CHKA: variants seen among roughly 807,000 people sequenced by gnomAD.
CHKA encodes choline kinase alpha.
In CHKA, 34 loss-of-function variants were observed where a neutral mutation model predicts 60.1. That is an observed-to-expected ratio of 0.57 (90% CI 0.43 to 0.75). CHKA has a LOEUF of 0.75. CHKA is among the 30% of genes least tolerant of loss of function. The probability of loss-of-function intolerance (pLI) is 0.00; values close to 1 mark genes in which losing one functional copy is unlikely to be tolerated. For synonymous variants in CHKA, 217 were observed against 223.1 expected (o/e 0.97, Z 0.24); for missense variants, 563 against 561.3 (o/e 1.00, Z -0.03).
chr11:68,095,602 A>G (rs1275671608), intron 2 of CHKA, among the ~76,000 whole-genome samples: 4 of 126,490 alleles, frequency 3.2e-5, no homozygotes, highest in Non-Finnish European at 5.0e-5. Context: ...CCAGCTACTC[A>G]GGAGGCTGAG....
chr11:68,060,216 T>C (rs1282525147), intron 11 of CHKA, among the ~76,000 whole-genome samples: 2 of 151,624 alleles, frequency 1.3e-5, no homozygotes, highest in African/African-American at 4.9e-5. Flanking sequence ...GTATTTTTAG[T>C]AGAGACGGGG....
At chr11:68,119,206 C>T (rs1202964549) in intron 1 of CHKA, among the ~76,000 whole-genome samples, 1 of 152,172 alleles carries the variant, frequency 6.6e-6, no homozygotes, top group Non-Finnish European at 1.5e-5. Flanking sequence ...GTTTTCTTTT[C>T]TCTGCTTCCT....
intron 1 of CHKA, among the ~76,000 whole-genome samples, chr11:68,100,162 A>T (rs183725247): frequency 3.3e-5 from 5 of 152,376 alleles, no homozygotes; most frequent in Admixed American, 3.3e-4. Context: ...AAAATGTAAC[A>T]GTTCAATTTA....
intron 11 of CHKA, among the ~76,000 whole-genome samples, chr11:68,057,871 G>A (rs1856083669): frequency 6.6e-6 from 1 of 152,132 alleles, no homozygotes; most frequent in Non-Finnish European, 1.5e-5. Context: ...TCTGGACACT[G>A]TATTCTGTTC....
At chr11:68,058,782 G>C (rs1461153494) in intron 11 of CHKA, among the ~76,000 whole-genome samples, 5 of 152,172 alleles carry the variant, frequency 3.3e-5, no homozygotes. Context: ...AGGAGCTTCA[G>C]TACAACACAG....
chr11:68,081,494 G>T, intron 2 of CHKA, 37 bp from the exon 3 acceptor site: 1 of 1,527,046 alleles, frequency 6.5e-7, no homozygotes, highest in Non-Finnish European at 9.1e-7. Flanking sequence ...CTGGTGAGAT[G>T]GGGAACACTA....
At chr11:68,056,090 G>A (rs1277101815) in intron 11 of CHKA, among the ~76,000 whole-genome samples, 1 of 152,076 alleles carries the variant, frequency 6.6e-6, no homozygotes, top group Non-Finnish European at 1.5e-5. Flanking sequence ...TTCTGGCTGA[G>A]TTATGAGTTC....
chr11:68,087,533 A>C (rs1162158245), intron 2 of CHKA, among the ~76,000 whole-genome samples: 2 of 152,158 alleles, frequency 1.3e-5, no homozygotes, highest in Non-Finnish European at 2.9e-5. Flanking sequence ...GTACTATGTT[A>C]AATATAATGG....
chr11:68,071,751 A>C (rs1166450989), intron 4 of CHKA, among the ~76,000 whole-genome samples: 1 of 152,200 alleles, frequency 6.6e-6, no homozygotes, highest in East Asian at 1.9e-4. Context: ...ATTTCTATCA[A>C]ATGGGAATCA....
Position 68,121,311 on chromosome 11 carries a change from G to T in CHKA, c.-134C>A. ...AGGGGGCCGCGGCGGTTGGGCGCGC[G>T]GGGCGGCGGCGGCGGCTGCGGCGAC... On this transcript the variant is annotated 5_prime_UTR_variant, in exon 1 of 12. Coordinates refer to ENST00000265689, the MANE Select transcript of CHKA (RefSeq NM_001277.3). 3.1e-6 allele frequency: 2 copies of T among 641,936 alleles called. No individual in the cohort carries two copies. The highest frequency in any genetic ancestry group is 3.9e-6 in the Non-Finnish European group (2 of 511,432). The allele number at this position is 641,936 out of a possible 1,614,324, so 39.8% of individuals were successfully genotyped here. A position where few individuals can be genotyped will look rare whatever the true frequency, so the allele number is the denominator to read the frequency against.
chr11:68,110,533 A>C (rs1457578308), intron 1 of CHKA, among the ~76,000 whole-genome samples: 1 of 152,184 alleles, frequency 6.6e-6, no homozygotes, highest in Non-Finnish European at 1.5e-5. Context: ...CTTATATATA[A>C]ATCTAACAAA....
At chr11:68,111,735 C>T (rs962240781) in intron 1 of CHKA, among the ~76,000 whole-genome samples, 1 of 151,958 alleles carries the variant, frequency 6.6e-6, no homozygotes, top group Non-Finnish European at 1.5e-5. Context: ...TCTTTTACAA[C>T]AAACCATTTG....
intron 11 of CHKA, 156 bp downstream of exon 11, chr11:68,061,797 T>G: frequency 1.5e-6 from 1 of 676,242 alleles, no homozygotes; most frequent in Non-Finnish European, 2.7e-6. Context: ...TGAGCCACAC[T>G]GTCCTGATGC....
chr11:68,102,634 G>T (rs750950613), intron 1 of CHKA, among the ~76,000 whole-genome samples: 1 of 152,054 alleles, frequency 6.6e-6, no homozygotes, highest in East Asian at 1.9e-4. Context: ...TCATGACCTT[G>T]GTCTGAGCCA....
At chr11:68,098,046 T>C (rs1168976585) in intron 1 of CHKA, among the ~76,000 whole-genome samples, 1 of 151,916 alleles carries the variant, frequency 6.6e-6, no homozygotes, top group African/African-American at 2.4e-5. Context: ...CCAAGGCAGG[T>C]GGATCACCTG....
Position 68,068,921 on chromosome 11 carries a change from T to G in CHKA, c.886A>C (p.Thr296Pro). Residue 296 changes from threonine (T) to proline (P), a missense_variant, in exon 7 of 12, where the codon ACT becomes CCT. Thr to Pro is a conservative substitution (Grantham distance 38). Coordinates refer to ENST00000265689, the MANE Select transcript of CHKA (RefSeq NM_001277.3). ...TGACAAAATACAACTGGAGATGGAG[T>G]AGATTCAAGCAATGATCTGAAAAGA... The part of the protein sequence containing the change: ...LENLRSLLES[T>P]PSPVVFCHND... 1 of 1,612,104 alleles carries G rather than the reference T, an allele frequency of 6.2e-7. No homozygotes were observed. The highest frequency in any genetic ancestry group is 8.5e-7 in the Non-Finnish European group (1 of 1,178,858).
chr11:68,084,299 TATGTGTATATAC>T lies in CHKA; in HGVS notation c.463-2854_463-2843del, dbSNP rs543265579. Reference sequence around the variant, plus strand: ...GTATATATACACATATATATACGTATATGTGTATATACATGTGTATATATATACACATATACG... The same window carrying T: ...GTATATATACACATATATATACGTATATGTGTATATATATACACATATACG... On this transcript the variant is annotated intron_variant, in intron 2 of 11. Transcript: ENST00000265689. Among the ~76,000 whole-genome samples, 63 of 143,446 alleles carry T rather than the reference TATGTGTATATAC, an allele frequency of 4.4e-4. No homozygotes were observed. In the East Asian group the frequency reaches 5.3e-3, roughly 12 times the overall value. The allele number at this position is 143,446 out of a possible 152,430, so 94.1% of individuals were successfully genotyped here.
intron 1 of CHKA, among the ~76,000 whole-genome samples, chr11:68,113,413 C>T (rs1858254559): frequency 6.6e-6 from 1 of 151,970 alleles, no homozygotes. Context: ...AATAAGATAC[C>T]TGACTGGGCG....
At chr11:68,082,709 TAAG>T (rs1340482913) in intron 2 of CHKA, among the ~76,000 whole-genome samples, 1 of 152,202 alleles carries the variant, frequency 6.6e-6, no homozygotes, top group Non-Finnish European at 1.5e-5. Context: ...GTAAACAAAA[TAAG>T]TATCCATGTT....
Sources: allele counts gnomAD v4.1 joint callset (sites outside exome capture counted in the v4.1 genomes callset), GRCh38; gene constraint gnomAD v4.1.1; transcripts MANE v1.5; gene names NCBI Gene and HGNC (gene_info 2026-07-23, HGNC 2026-07-21).